Variants in VSTM2A observed in about 807,000 individuals in gnomAD.
The protein encoded by VSTM2A is V-set and transmembrane domain containing 2A.
VSTM2A carries 13 observed loss-of-function variants against 27.3 expected under a neutral mutation model. That is an observed-to-expected ratio of 0.48 (90% confidence interval 0.31 to 0.76). The LOEUF (loss-of-function observed/expected upper bound fraction) is 0.76, where lower values mean the gene tolerates loss of function less well. Ranked by LOEUF, VSTM2A falls within the 30% of genes least tolerant of loss-of-function variation. The pLI is 0.05. For synonymous variants in VSTM2A, 142 were observed against 125.7 expected, an observed-to-expected ratio of 1.13 and a Z score of -0.87; for missense variants, 280 against 310.0, an observed-to-expected ratio of 0.90 and a Z score of 0.73.
intron 4 of VSTM2A, among the ~76,000 whole-genome samples, chr7:54,560,197 G>T (rs13240987): frequency 0.15 from 22,214 of 151,984 alleles, 3,033 homozygotes; most frequent in African/African-American, 0.36. Context: ...ATAGAGTTCA[G>T]GACAAAATCT....
chr7:54,550,326 A>G lies in VSTM2A; in HGVS notation c.634+156A>G, dbSNP rs965961410. The stretch of plus-strand genomic sequence containing the variant: ...TATGAGAGGTGAGCACCGAGCCTGC[A>G]CCAATTCACTCAGAGCTCAAAGCAT... On this transcript the variant is annotated intron_variant, in intron 4 of 4. Coordinates refer to ENST00000402613, the MANE Select transcript of VSTM2A (RefSeq NM_001301009.2). 7 of 1,461,762 alleles carry G rather than the reference A, an allele frequency of 4.8e-6. No individual in the cohort carries two copies. The African/African-American group carries it at 8.5e-5, about 18-fold the overall frequency. The allele number at this position is 1,461,762 out of a possible 1,614,324, so 90.5% of individuals were successfully genotyped here.
chr7:54,556,426 T>C (rs1298507754), intron 4 of VSTM2A, among the ~76,000 whole-genome samples: 5 of 152,086 alleles, frequency 3.3e-5, no homozygotes, highest in African/African-American at 1.2e-4. Context: ...TCAAAGTCAT[T>C]GGGAGGAGGG....
chr7:54,559,353 G>A (rs993521795), intron 4 of VSTM2A: 2 of 151,956 alleles, frequency 1.3e-5, no homozygotes, highest in Non-Finnish European at 2.9e-5. Context: ...CTATGTTTTT[G>A]GATGGCCCAT....
intron 4 of VSTM2A, among the ~76,000 whole-genome samples, chr7:54,554,776 C>A (rs142685227): frequency 6.6e-6 from 1 of 152,282 alleles, no homozygotes; most frequent in Non-Finnish European, 1.5e-5. Flanking sequence ...GCCAGTCACC[C>A]CAGCCTTCCT....
chr7:54,562,324 CCTT>C (rs1788587969), intron 4 of VSTM2A, among the ~76,000 whole-genome samples: 1 of 151,968 alleles, frequency 6.6e-6, no homozygotes, highest in African/African-American at 2.4e-5. Flanking sequence ...ATGTTTCTTC[CCTT>C]CTTTCTTTTT....
intron 4 of VSTM2A, among the ~76,000 whole-genome samples, chr7:54,556,312 G>A (rs534316214): frequency 9.9e-5 from 15 of 152,274 alleles, no homozygotes; most frequent in African/African-American, 3.4e-4. Flanking sequence ...CAATTATTGT[G>A]TGTTCACCAT....
chr7:54,553,299 C>T (rs1167635404), intron 4 of VSTM2A, among the ~76,000 whole-genome samples: 1 of 152,138 alleles, frequency 6.6e-6, no homozygotes, highest in African/African-American at 2.4e-5. Context: ...TAGTAATCAG[C>T]AATTAAAACA....
intron 3 of VSTM2A, among the ~76,000 whole-genome samples, chr7:54,549,507 C>A (rs1358118803): frequency 6.6e-6 from 1 of 152,150 alleles, no homozygotes; most frequent in Non-Finnish European, 1.5e-5. Flanking sequence ...CTTCATTGAA[C>A]TGAGTTAAGC....
chr7:54,564,952 A>C (rs374745167), intron 4 of VSTM2A, among the ~76,000 whole-genome samples: 13 of 152,226 alleles, frequency 8.5e-5, no homozygotes, highest in African/African-American at 3.1e-4. Flanking sequence ...GAGGCTGATA[A>C]TGTTTTCATA....
rs368669951 is a variant in VSTM2A, at chr7:54,543,062, G to GGT, written c.79+265_79+266dup. Among the ~76,000 whole-genome samples, 339 of 151,816 alleles carry GGT rather than the reference G, an allele frequency of 2.2e-3. 2 individuals carry two copies. Among genetic ancestry groups the GGT allele is most frequent in the African/African-American group, 7.5e-3 (312 of 41,406 alleles). Reference sequence around the variant, plus strand: ...GGTGAGCACAAACACAGGGTCGTGTGGTGTGTGTGTGTGGGTGTGTGTGTG... The same window carrying GGT: ...GGTGAGCACAAACACAGGGTCGTGTGGTGTGTGTGTGTGTGGGTGTGTGTGTG... On this transcript the variant is annotated intron_variant, in intron 1 of 4. Coordinates refer to ENST00000402613, the MANE Select transcript of VSTM2A (RefSeq NM_001301009.2).
At chr7:54,551,215 A>T (rs2115825803) in intron 4 of VSTM2A, 1 of 152,254 alleles carries the variant, frequency 6.6e-6, no homozygotes, top group East Asian at 1.9e-4. Context: ...GACTTTATAT[A>T]TATCAAATAT....
At chr7:54,568,410 AT>A in intron 4 of VSTM2A, among the ~76,000 whole-genome samples, 1 of 152,298 alleles carries the variant, frequency 6.6e-6, no homozygotes, top group Middle Eastern at 3.4e-3. Context: ...CTAGAAGCTT[AT>A]TGAATAAAAT....
At chr7:54,558,083 C>A (rs572275198) in intron 4 of VSTM2A, 27 of 152,164 alleles carry the variant, frequency 1.8e-4, no homozygotes, top group African/African-American at 6.5e-4. Context: ...GATAAAATTC[C>A]AAAGGATTTT....
At chr7:54,564,833 T>A (rs1202976841) in intron 4 of VSTM2A, among the ~76,000 whole-genome samples, 1 of 146,508 alleles carries the variant, frequency 6.8e-6, no homozygotes, top group Non-Finnish European at 1.5e-5. Flanking sequence ...CTTTGTAAGC[T>A]GTAAAAGTCT....
chr7:54,566,616 G>A (rs1182024589), intron 4 of VSTM2A, among the ~76,000 whole-genome samples: 4 of 152,186 alleles, frequency 2.6e-5, no homozygotes, highest in Non-Finnish European at 4.4e-5. Flanking sequence ...TCAGCAGAGA[G>A]CAAAAGAAAC....
chr7:54,545,248 G>C (rs1268100815), intron 2 of VSTM2A, among the ~76,000 whole-genome samples: 1 of 151,752 alleles, frequency 6.6e-6, no homozygotes, highest in Non-Finnish European at 1.5e-5. Context: ...AGGGCGGCCA[G>C]CTCCTCTCAC....
intron 4 of VSTM2A, among the ~76,000 whole-genome samples, chr7:54,562,691 A>C (rs1339052119): frequency 6.6e-6 from 1 of 152,146 alleles, no homozygotes; most frequent in African/African-American, 2.4e-5. Flanking sequence ...ATGATCGCTG[A>C]AAGGACACCA....
At chr7:54,567,907 G>A (rs1788773016) in intron 4 of VSTM2A, among the ~76,000 whole-genome samples, 1 of 152,036 alleles carries the variant, frequency 6.6e-6, no homozygotes, top group Non-Finnish European at 1.5e-5. Flanking sequence ...TCTGTACTTA[G>A]AACTGCACGT....
chr7:54,556,476 C>T (rs1788362441), intron 4 of VSTM2A, among the ~76,000 whole-genome samples: 1 of 152,112 alleles, frequency 6.6e-6, no homozygotes, highest in South Asian at 2.1e-4. Context: ...GAGTGCTTGT[C>T]TCATTTAATA....
Sources: gnomAD v4.1 joint callset for allele counts (sites outside exome capture counted in the v4.1 genomes callset) on GRCh38, gnomAD v4.1.1 for gene constraint, MANE v1.5 for transcripts, NCBI Gene and HGNC (gene_info 2026-07-23, HGNC 2026-07-21) for gene names.